DSCAML1: variants seen among roughly 807,000 people sequenced by gnomAD.
DSCAML1 encodes the protein DS cell adhesion molecule like 1.
In DSCAML1, 38 loss-of-function variants were observed where a neutral mutation model predicts 200.5. The observed-to-expected ratio is 0.19, with a 90% CI of 0.15 to 0.25. DSCAML1 has a LOEUF of 0.25. Among genes scored for constraint, DSCAML1 ranks in the 10% least tolerant of loss-of-function variants. DSCAML1 has a pLI of 1.00. For synonymous variants in DSCAML1, 1,215 were observed against 1,165.0 expected, an observed-to-expected ratio of 1.04 and a Z score of -0.87; for missense variants, 2,223 against 2,858.8, an observed-to-expected ratio of 0.78 and a Z score of 5.07.
At chr11:117,592,061 G>A (rs2051269087) in intron 3 of DSCAML1, among the ~76,000 whole-genome samples, 1 of 152,160 alleles carries the variant, frequency 6.6e-6, no homozygotes, top group African/African-American at 2.4e-5. Context: ...ATGGGGAGGA[G>A]GGTGAGGAGC....
chr11:117,428,295 G>GCGGCC lies in DSCAML1; in HGVS notation c.*32_*33insGGCCG, dbSNP rs757696234. ...CTGGCGTGTGGGGCTGCGGCGCGGC[G>GCGGCC]CGGTCCAGGCGTGGCTGCTCTTCCT... On this transcript the variant is annotated 3_prime_UTR_variant, in exon 33 of 33. Transcript: ENST00000651296. 18 of 1,233,494 alleles carry GCGGCC rather than the reference G, an allele frequency of 1.5e-5. No homozygotes were observed. Among genetic ancestry groups the GCGGCC allele is most frequent in the Admixed American group, 2.0e-5 (1 of 49,700 alleles). The allele number at this position is 1,233,494 out of a possible 1,614,324, so 76.4% of individuals were successfully genotyped here.
intron 3 of DSCAML1, among the ~76,000 whole-genome samples, chr11:117,706,604 C>T (rs568964092): frequency 3.9e-5 from 6 of 152,318 alleles, no homozygotes; most frequent in Middle Eastern, 3.4e-3. Context: ...GAGACACAGC[C>T]GTGCAAATGC....
chr11:117,670,148 C>T (rs904838303), intron 3 of DSCAML1, among the ~76,000 whole-genome samples: 2 of 152,120 alleles, frequency 1.3e-5, no homozygotes, highest in African/African-American at 4.8e-5. Flanking sequence ...GTGGGGGCAC[C>T]TAGGCCTTTG....
At chr11:117,485,961 G>A (rs926944047) in intron 11 of DSCAML1, among the ~76,000 whole-genome samples, 1 of 152,198 alleles carries the variant, frequency 6.6e-6, no homozygotes, top group South Asian at 2.1e-4. Context: ...GCCGGTCCTA[G>A]CTTGATAACC....
chr11:117,612,450 G>A (rs973035492), intron 3 of DSCAML1, among the ~76,000 whole-genome samples: 1 of 150,670 alleles, frequency 6.6e-6, no homozygotes, highest in East Asian at 1.9e-4. Flanking sequence ...CCCTACCCCC[G>A]CCCCTAACAC....
intron 20 of DSCAML1, among the ~76,000 whole-genome samples, chr11:117,448,354 A>G (rs2048220387): frequency 1.3e-5 from 2 of 152,160 alleles, no homozygotes; most frequent in South Asian, 4.1e-4. Context: ...CATTCTTCGA[A>G]TGTGTATTCC....
intron 8 of DSCAML1, among the ~76,000 whole-genome samples, chr11:117,515,747 A>G (rs534117257): frequency 6.6e-6 from 1 of 150,836 alleles, no homozygotes; most frequent in South Asian, 2.1e-4. Context: ...CAGCCTCCCA[A>G]GTAGCTGGGA....
At chr11:117,472,463 CCT>C (rs947321612) in intron 14 of DSCAML1, among the ~76,000 whole-genome samples, 5 of 152,190 alleles carry the variant, frequency 3.3e-5, no homozygotes, top group African/African-American at 1.2e-4. Flanking sequence ...GGCTAAGTCT[CCT>C]CTCCTTTTCT....
rs2053519270 is a variant in DSCAML1 at position 117,692,735 on chromosome 11, AC to A, written c.511+84055del. Among the ~76,000 whole-genome samples the A allele has an allele frequency of 2.6e-5, 4 of 152,164 alleles. No homozygotes were observed. In the South Asian group the frequency reaches 6.2e-4, roughly 24 times the overall value. Reference sequence around the variant, plus strand: ...AGGGGCATCCAGGCCCTGCTCGCACACCTTTAGCGGTAGGAAGCTCATGACC... The same window carrying A: ...AGGGGCATCCAGGCCCTGCTCGCACACTTTAGCGGTAGGAAGCTCATGACC... On this transcript the variant is annotated intron_variant, in intron 3 of 32. Transcript: ENST00000651296.
intron 3 of DSCAML1, among the ~76,000 whole-genome samples, chr11:117,621,647 T>C (rs2051933627): frequency 6.6e-6 from 1 of 152,238 alleles, no homozygotes; most frequent in African/African-American, 2.4e-5. Flanking sequence ...TATATATATT[T>C]TTTTGGGGAA....
In DSCAML1 at chr11:117,428,538, G is replaced by C. The variant is rs373112304; in HGVS notation, c.5952C>G (p.Ala1984=). The C allele has an allele frequency of 1.4e-4, 214 of 1,516,632 alleles. 1 individual carries two copies. In the African/African-American group the frequency reaches 2.5e-3, roughly 18 times the overall value. 93.9% of individuals were successfully genotyped at this position (1,516,632 alleles called of 1,614,324 possible). A position where few individuals can be genotyped will look rare whatever the true frequency, so the allele number is the denominator to read the frequency against. ...LAMPAPPAGT[A]PPAPGPTPAE... is the part of the protein sequence containing the mutation. Reference sequence around the variant, plus strand: ...CAGGGGTGGGGCCGGGGGCTGGGGGGGCTGTGCCGGCTGGGGGGGCTGGCA... The same window carrying C: ...CAGGGGTGGGGCCGGGGGCTGGGGGCGCTGTGCCGGCTGGGGGGGCTGGCA... The change falls in exon 33 of 33, where the codon GCC becomes GCG. Residue 1984 remains alanine, a synonymous_variant. Transcript: ENST00000651296.
intron 3 of DSCAML1, among the ~76,000 whole-genome samples, chr11:117,769,715 T>C (rs2055004629): frequency 6.7e-6 from 1 of 150,234 alleles, no homozygotes. Flanking sequence ...TTACTTAGCG[T>C]CTTTGTGCCT....
At chr11:117,804,551 T>C (rs1166407712) in intron 1 of DSCAML1, among the ~76,000 whole-genome samples, 1 of 152,250 alleles carries the variant, frequency 6.6e-6, no homozygotes, top group East Asian at 1.9e-4. Flanking sequence ...ACCTTCCTTT[T>C]GCCAGGCTAC....
chr11:117,464,906 GA>G, intron 17 of DSCAML1, 35 bp downstream of exon 17: 1 of 1,603,894 alleles, frequency 6.2e-7, no homozygotes. Context: ...CCCATGGCAG[GA>G]ATCTGTGCCC....
chr11:117,656,830 C>G (rs1394665966), intron 3 of DSCAML1, among the ~76,000 whole-genome samples: 1 of 152,198 alleles, frequency 6.6e-6, no homozygotes, highest in Non-Finnish European at 1.5e-5. Flanking sequence ...GGGACACATA[C>G]TTGGTAGCTG....
chr11:117,786,669 C>T (rs1451857675), intron 1 of DSCAML1, among the ~76,000 whole-genome samples: 6 of 152,156 alleles, frequency 3.9e-5, no homozygotes. Flanking sequence ...GAATTACCCC[C>T]ATGTCATCAT....
Position 117,465,130 on chromosome 11 carries a change from T to G in DSCAML1, c.3077A>C (p.Tyr1026Ser). ...NGVIRGYQIG[Y>S]RENSPGSNGQ... ...GTTGCTGCCGGGGCTGTTCTCTCTG[T>G]AGCCAATCTGGTAGCCCCGGATGAC... The change falls in exon 17 of 33, where the codon TAC (tyrosine) becomes TCC (serine). Residue 1026 changes from tyrosine to serine, a missense_variant. Around this residue, in one of 7 missense-constraint regions of DSCAML1, gnomAD observed 438 missense variants for 629.7 expected, o/e 0.70. Coordinates refer to ENST00000651296, the MANE Select transcript of DSCAML1 (RefSeq NM_020693.4). 6.2e-7 allele frequency: 1 copy of G among 1,614,094 alleles called. No homozygotes were observed. The highest frequency in any genetic ancestry group is 8.5e-7 in the Non-Finnish European group (1 of 1,180,008).
intron 3 of DSCAML1, among the ~76,000 whole-genome samples, chr11:117,590,695 A>G (rs1297046309): frequency 1.3e-5 from 2 of 152,232 alleles, no homozygotes; most frequent in African/African-American, 4.8e-5. Context: ...GAACTGCAGC[A>G]GAAAGGACTG....
intron 3 of DSCAML1, among the ~76,000 whole-genome samples, chr11:117,649,043 G>GTA (rs1565850047): frequency 3.0e-5 from 3 of 100,596 alleles, no homozygotes; most frequent in Admixed American, 9.6e-5. Context: ...CCATATATAT[G>GTA]TGTGTGTGTG....
Sources: gnomAD v4.1 joint callset for allele counts (sites outside exome capture counted in the v4.1 genomes callset) on GRCh38, gnomAD v4.1.1 for gene constraint, gnomAD v4.1.1 regional missense constraint, MANE v1.5 for transcripts, NCBI Gene and HGNC (gene_info 2026-07-23, HGNC 2026-07-21) for gene names.